GPC6: variants seen among roughly 807,000 people sequenced by gnomAD.
The protein encoded by GPC6 is glypican 6, also known as glypican-6.
A neutral mutation model predicts 55.2 loss-of-function variants in GPC6; 14 were observed. That is an observed-to-expected ratio of 0.25 (90% confidence interval 0.17 to 0.40). The LOEUF (loss-of-function observed/expected upper bound fraction) is 0.40. GPC6 is among the 10% of genes least tolerant of loss of function. The pLI is 1.00. For missense variants in GPC6, 641 were observed against 708.5 expected (o/e 0.90, Z 1.08); for synonymous variants, 278 against 259.6 (o/e 1.07, Z -0.68).
Position 93,721,605 on chromosome 13 carries a change from C to T in GPC6, c.320-108549C>T, listed in dbSNP as rs150523644. Among the ~76,000 whole-genome samples, 22 of 151,772 alleles carry T rather than the reference C, an allele frequency of 1.4e-4. No homozygotes were observed. The East Asian group carries it at 1.8e-3, about 12-fold the overall frequency. On this transcript the variant is annotated intron_variant, in intron 2 of 8. Coordinates refer to ENST00000377047, the MANE Select transcript of GPC6 (RefSeq NM_005708.5). ...GGAAGTATTAGGATGAAATTCTGCC[C>T]GTGTGTTTAGTCAGACAGCACAGTT...
At chr13:94,247,365 A>G (rs902782480) in intron 4 of GPC6, among the ~76,000 whole-genome samples, 3 of 151,988 alleles carry the variant, frequency 2.0e-5, no homozygotes, top group Non-Finnish European at 2.9e-5. Flanking sequence ...TTTGCTCTTC[A>G]TAGTACTTCT....
chr13:93,338,086 T>G (rs2139146015), intron 1 of GPC6, among the ~76,000 whole-genome samples: 1 of 152,316 alleles, frequency 6.6e-6, no homozygotes, highest in South Asian at 2.1e-4. Flanking sequence ...ACGAGGAAGC[T>G]ACTGATTTTA....
intron 1 of GPC6, among the ~76,000 whole-genome samples, chr13:93,436,171 C>T (rs1010890359): frequency 2.0e-5 from 3 of 151,960 alleles, no homozygotes; most frequent in Non-Finnish European, 4.4e-5. Flanking sequence ...GCCCTAAGCC[C>T]CAATGATCAT....
At chr13:93,386,713 G>A (rs760254865) in intron 1 of GPC6, among the ~76,000 whole-genome samples, 8 of 152,188 alleles carry the variant, frequency 5.3e-5, no homozygotes, top group Non-Finnish European at 1.2e-4. Flanking sequence ...ACTAGGTGGT[G>A]TCTTAAGACA....
intron 2 of GPC6, among the ~76,000 whole-genome samples, chr13:93,746,067 C>T (rs1884386293): frequency 6.6e-6 from 1 of 152,192 alleles, no homozygotes; most frequent in Non-Finnish European, 1.5e-5. Flanking sequence ...AAGCCAGATT[C>T]AGAACCACAT....
intron 3 of GPC6, among the ~76,000 whole-genome samples, chr13:93,953,928 T>A (rs1879378696): frequency 6.6e-6 from 1 of 152,196 alleles, no homozygotes; most frequent in Non-Finnish European, 1.5e-5. Context: ...CACATAAAAT[T>A]CACTGTTTTA....
chr13:93,231,890 G>A (rs1175767924), intron 1 of GPC6, among the ~76,000 whole-genome samples: 1 of 152,008 alleles, frequency 6.6e-6, no homozygotes, highest in Non-Finnish European at 1.5e-5. Flanking sequence ...TATTAAAAAA[G>A]CACTAAAGTC....
intron 4 of GPC6, among the ~76,000 whole-genome samples, chr13:94,103,703 C>A (rs183702732): frequency 1.3e-5 from 2 of 152,154 alleles, no homozygotes. Context: ...AGTGTCTGTT[C>A]ATATCCTTTG....
intron 4 of GPC6, among the ~76,000 whole-genome samples, chr13:94,060,196 C>G (rs919678521): frequency 3.9e-5 from 6 of 152,200 alleles, no homozygotes; most frequent in African/African-American, 1.4e-4. Context: ...AAATTGCAAT[C>G]TGCCCTGTCT....
At chr13:93,220,485 A>G in the GPC6 span, among the ~76,000 whole-genome samples, 1 of 152,224 alleles carries the variant, frequency 6.6e-6, no homozygotes, top group African/African-American at 2.4e-5. Flanking sequence ...ATTAACTACA[A>G]AAATGCAAGT....
At chr13:94,304,345 C>T (rs1184761384) in intron 5 of GPC6, among the ~76,000 whole-genome samples, 4 of 152,146 alleles carry the variant, frequency 2.6e-5, no homozygotes, top group Admixed American at 2.0e-4. Flanking sequence ...TGTCTCAAGA[C>T]GGAATTTGTC....
intron 6 of GPC6, among the ~76,000 whole-genome samples, chr13:94,339,800 G>C (rs1470286017): frequency 3.8e-5 from 2 of 52,602 alleles, no homozygotes; most frequent in Non-Finnish European, 6.7e-5. Context: ...TTTTGCTCTT[G>C]TTGCCCAGGC....
At chr13:93,637,890 C>T (rs967862079) in intron 2 of GPC6, among the ~76,000 whole-genome samples, 7 of 151,962 alleles carry the variant, frequency 4.6e-5, no homozygotes, top group Non-Finnish European at 1.0e-4. Context: ...CATATGTAGC[C>T]GTCATATTAG....
At chr13:93,672,668 T>TAC (rs386380260) in intron 2 of GPC6, among the ~76,000 whole-genome samples, 29 of 150,726 alleles carry the variant, frequency 1.9e-4, no homozygotes, top group South Asian at 6.3e-4. Context: ...CATATATATA[T>TAC]ACACACACAA....
chr13:93,514,611 G>A (rs73537702), intron 1 of GPC6, among the ~76,000 whole-genome samples: 4,064 of 152,220 alleles, frequency 0.027, 186 homozygotes, highest in African/African-American at 0.093. Context: ...ATTCTCCTGC[G>A]TATGGGCACA....
At chr13:93,261,924 C>T (rs982904426) in intron 1 of GPC6, among the ~76,000 whole-genome samples, 2 of 121,898 alleles carry the variant, frequency 1.6e-5, no homozygotes, top group Non-Finnish European at 3.3e-5. Context: ...ATCTCTCCCT[C>T]TACACACACA....
chr13:94,329,763 C>T (rs1015090316), intron 6 of GPC6, among the ~76,000 whole-genome samples: 2 of 152,034 alleles, frequency 1.3e-5, no homozygotes, highest in Admixed American at 1.3e-4. Flanking sequence ...TCCTCTTCCT[C>T]CTCCTCCTTC....
chr13:94,056,401 A>G (rs1211802551), intron 4 of GPC6, among the ~76,000 whole-genome samples: 3 of 152,198 alleles, frequency 2.0e-5, no homozygotes, highest in African/African-American at 7.2e-5. Context: ...AATTAAACTG[A>G]ATAAATAATT....
chr13:94,097,872 G>A (rs752194955), intron 4 of GPC6, among the ~76,000 whole-genome samples: 1 of 152,062 alleles, frequency 6.6e-6, no homozygotes, highest in African/African-American at 2.4e-5. Context: ...CAGACCTATT[G>A]ACTACTACAA....
Sources: gnomAD v4.1 joint callset for allele counts (sites outside exome capture counted in the v4.1 genomes callset) on GRCh38, gnomAD v4.1.1 for gene constraint, MANE v1.5 for transcripts, NCBI Gene and HGNC (gene_info 2026-07-23, HGNC 2026-07-21) for gene names.